Variants in WDFY3 observed in about 807,000 individuals in gnomAD.
The protein encoded by WDFY3 is WD repeat and FYVE domain containing 3.
WDFY3 carries 66 observed loss-of-function variants against 409.6 expected under a neutral mutation model. The ratio of observed to expected loss-of-function variants is 0.16; its 90% CI spans 0.13 to 0.20. The LOEUF is 0.20. Ranked by LOEUF, WDFY3 falls within the 10% of genes least tolerant of loss-of-function variation. WDFY3 has a pLI of 1.00. For synonymous variants in WDFY3, 1,521 were observed against 1,537.1 expected (o/e 0.99, Z 0.25); for missense variants, 3,031 against 4,298.1 (o/e 0.71, Z 8.24).
chr4:84,888,701 C>T (rs181674013), intron 3 of WDFY3, among the ~76,000 whole-genome samples: 75 of 152,248 alleles, frequency 4.9e-4, no homozygotes, highest in African/African-American at 1.7e-3. Context: ...CCAGCTTGTA[C>T]CAGCTTATGA....
chr4:84,742,803 A>G (rs1318765356), intron 37 of WDFY3, among the ~76,000 whole-genome samples: 1 of 152,202 alleles, frequency 6.6e-6, no homozygotes, highest in Admixed American at 6.5e-5. Context: ...ACTGTCCTCC[A>G]TGAAACTGGT....
At position 84,702,461 on chromosome 4, in the gene WDFY3, C is replaced by T. The variant is rs1294727033; in HGVS notation, c.8488G>A (p.Glu2830Lys). 2 of 1,613,630 alleles carry T rather than the reference C, an allele frequency of 1.2e-6. No homozygotes were observed. The highest frequency in any genetic ancestry group is 1.1e-5 in the South Asian group (1 of 91,006). The change falls in exon 56 of 68, where the codon GAG becomes AAG. Residue 2830 changes from glutamate (E) to lysine (K), a missense_variant. Coordinates refer to ENST00000295888, the MANE Select transcript of WDFY3 (RefSeq NM_014991.6). ...LADRMFHSVR[E>K]AWYSASKHNM... is the part of the protein sequence containing the mutation. ...TGCTTTGACGCTGAATACCAGGCCT[C>T]GCGCACACTGTGAAACATCCGGTCA... is the stretch of plus-strand genomic sequence containing the variant.
In WDFY3 at chr4:84,895,480, C is replaced by G. The variant is rs117851858; in HGVS notation, c.-32+1431G>C. ...TACACAGACAAGAAAGCACAAGATA[C>G]GCTGCTGGGTTGGCCAAGTAGTTCT... On this transcript the variant is annotated intron_variant, in intron 3 of 67. Transcript: ENST00000295888. 7.8e-4 allele frequency among the ~76,000 whole-genome samples: 118 copies of G among 152,182 alleles called. No homozygotes were observed. The East Asian group carries it at 0.022, about 29-fold the overall frequency.
At chr4:84,723,622 TG>T (rs1735191656) in intron 46 of WDFY3, among the ~76,000 whole-genome samples, 1 of 151,616 alleles carries the variant, frequency 6.6e-6, no homozygotes, top group Non-Finnish European at 1.5e-5. Flanking sequence ...ATTTATAAAG[TG>T]AGAAAAAAAA....
intron 61 of WDFY3, 21 bp from the exon 62 acceptor site, chr4:84,688,286 AC>A (rs753641245): frequency 6.2e-7 from 1 of 1,607,098 alleles, no homozygotes; most frequent in Non-Finnish European, 8.5e-7. Context: ...GAACAAACAA[AC>A]AAAATCAGGT....
chr4:84,832,658 C>T (rs1286142495), intron 7 of WDFY3, among the ~76,000 whole-genome samples: 2 of 151,896 alleles, frequency 1.3e-5, no homozygotes, highest in Non-Finnish European at 1.5e-5. Context: ...GTTTAAAAAC[C>T]GTAAGAGTGT....
At chr4:84,899,036 G>A (rs1766004929) in intron 2 of WDFY3, among the ~76,000 whole-genome samples, 1 of 152,174 alleles carries the variant, frequency 6.6e-6, no homozygotes, top group Non-Finnish European at 1.5e-5. Context: ...ATGGTGTGAT[G>A]AGTATAGAGT....
chr4:84,726,977 A>G (rs1735766940), intron 44 of WDFY3, 66 bp from the exon 45 acceptor site: 1 of 1,446,626 alleles, frequency 6.9e-7, no homozygotes. Flanking sequence ...ACAAAAATAA[A>G]ATTTTTCTTG....
At chr4:84,922,874 C>G in intron 2 of WDFY3, among the ~76,000 whole-genome samples, 1 of 152,236 alleles carries the variant, frequency 6.6e-6, no homozygotes, top group East Asian at 1.9e-4. Flanking sequence ...CGGGAGCCAC[C>G]ACACCCAGCC....
rs764589193 is a variant in WDFY3 at position 84,780,258 on chromosome 4, C to T, written c.4215G>A (p.Leu1405=). 1 of 1,613,608 alleles carries T rather than the reference C, an allele frequency of 6.2e-7. No individual in the cohort carries two copies. Among genetic ancestry groups the T allele is most frequent in the Non-Finnish European group, 8.5e-7 (1 of 1,179,826 alleles). ...TFVPKPVATT[L]QYVGGAAAIL... Reference sequence around the variant, plus strand: ...TGGCTGCAGCTCCACCAACGTACTGCAAAGTAGTGGCAACAGGCTTAGGGA... The same window carrying T: ...TGGCTGCAGCTCCACCAACGTACTGTAAAGTAGTGGCAACAGGCTTAGGGA... Residue 1405 remains leucine, a synonymous_variant, in exon 26 of 68, where the codon TTG becomes TTA. Coordinates refer to ENST00000295888, the MANE Select transcript of WDFY3 (RefSeq NM_014991.6).
At chr4:84,837,600 A>G (rs750472150) in intron 6 of WDFY3, among the ~76,000 whole-genome samples, 6 of 152,210 alleles carry the variant, frequency 3.9e-5, no homozygotes, top group Non-Finnish European at 8.8e-5. Flanking sequence ...GAGGCTGGAA[A>G]GACACTTGAG....
At chr4:84,709,916 A>T (rs2148993077) in intron 51 of WDFY3, among the ~76,000 whole-genome samples, 1 of 152,230 alleles carries the variant, frequency 6.6e-6, no homozygotes, top group East Asian at 1.9e-4. Flanking sequence ...TAGTAGAGGC[A>T]TGGTTTACCA....
rs1312150165 is a variant in WDFY3, at chr4:84,670,653, T to G, written c.*2215A>C. On this transcript the variant is annotated 3_prime_UTR_variant, in exon 68 of 68. Coordinates refer to ENST00000295888, the MANE Select transcript of WDFY3 (RefSeq NM_014991.6). ...ACCTTTAAGTAACTACACACACACA[T>G]TCATATATTCAAGTCTTTAAAGAAC... The G allele has an allele frequency of 6.6e-6, 1 of 152,670 alleles. No individual in the cohort carries two copies. Among genetic ancestry groups the G allele is most frequent in the Non-Finnish European group, 1.5e-5 (1 of 68,044 alleles). 9.5% of individuals were successfully genotyped at this position (152,670 alleles called of 1,614,324 possible). A position where few individuals can be genotyped will look rare whatever the true frequency, so the allele number is the denominator to read the frequency against.
Position 84,928,947 on chromosome 4 carries a change from C to G in WDFY3, c.-132+3323G>C, listed in dbSNP as rs1213424781. Among the ~76,000 whole-genome samples, 5 of 152,208 alleles carry G rather than the reference C, an allele frequency of 3.3e-5. No homozygotes were observed. The East Asian group carries it at 9.6e-4, about 29-fold the overall frequency. On this transcript the variant is annotated intron_variant, in intron 2 of 67. Transcript: ENST00000295888. ...CCCAATGACCCTACCTCCTGGTATT[C>G]ACACCCTTGTGTAATCCCCTCTCCT... is the stretch of plus-strand genomic sequence containing the variant.
chr4:84,937,027 C>T (rs556478596), intron 1 of WDFY3, among the ~76,000 whole-genome samples: 3 of 152,224 alleles, frequency 2.0e-5, no homozygotes, highest in Admixed American at 1.3e-4. Context: ...CAAAACCTCT[C>T]GACTCCTTAT....
Position 84,677,394 on chromosome 4 carries a change from T to C in WDFY3, c.10262A>G (p.Asp3421Gly). 1 of 1,609,878 alleles carries C rather than the reference T, an allele frequency of 6.2e-7. No homozygotes were observed. The highest frequency in any genetic ancestry group is 8.5e-7 in the Non-Finnish European group (1 of 1,177,774). The change falls in exon 67 of 68, where the codon GAT becomes GGT. Residue 3421 changes from aspartate to glycine, a missense_variant and splice_region_variant. Asp to Gly is a moderately conservative substitution (Grantham distance 94, BLOSUM62 -1). This residue lies in a region of WDFY3 where 378 missense variants were observed against 477.3 expected (regional missense o/e 0.79). Coordinates refer to ENST00000295888, the MANE Select transcript of WDFY3 (RefSeq NM_014991.6). Reference sequence around the variant, plus strand: ...GTCACCAACGAGGATCCTACTGTGATCCCTGCAGGAGACACGACAGAGGAG... The same window carrying C: ...GTCACCAACGAGGATCCTACTGTGACCCCTGCAGGAGACACGACAGAGGAG... ...AEVTALGISK[D>G]HSRILVGDSR...
intron 44 of WDFY3, among the ~76,000 whole-genome samples, chr4:84,731,233 C>T (rs1736553876): frequency 6.6e-6 from 1 of 152,092 alleles, no homozygotes; most frequent in African/African-American, 2.4e-5. Context: ...AATATTAGCT[C>T]CTCTTTTTTG....
chr4:84,910,151 A>G (rs1484827540), intron 2 of WDFY3, among the ~76,000 whole-genome samples: 1 of 152,180 alleles, frequency 6.6e-6, no homozygotes, highest in East Asian at 1.9e-4. Context: ...ACAACTATTT[A>G]TATAACATTG....
chr4:84,882,256 A>G (rs1763637127), intron 3 of WDFY3, among the ~76,000 whole-genome samples: 2 of 152,172 alleles, frequency 1.3e-5, no homozygotes, highest in Non-Finnish European at 2.9e-5. Flanking sequence ...TACCACAGGT[A>G]TAATAAAAGC....
Sources: gnomAD v4.1 joint callset for allele counts (sites outside exome capture counted in the v4.1 genomes callset) on GRCh38, gnomAD v4.1.1 for gene constraint, gnomAD v4.1.1 regional missense constraint, MANE v1.5 for transcripts, NCBI Gene and HGNC (gene_info 2026-07-23, HGNC 2026-07-21) for gene names.